LYZL1: variants seen among roughly 807,000 people sequenced by gnomAD.
The protein encoded by LYZL1 is lysozyme-like protein 1.
LYZL1 carries 16 observed loss-of-function variants against 17.9 expected under a neutral mutation model. The observed-to-expected ratio is 0.90, with a 90% CI of 0.61 to 1.36. The LOEUF is 1.36. Among genes scored for constraint, LYZL1 ranks in the 40% most tolerant of loss-of-function variants. The pLI is 0.00. For missense variants in LYZL1, 149 were observed against 188.4 expected (o/e 0.79, Z 1.22); for synonymous variants, 58 against 71.8 (o/e 0.81, Z 0.97).
At chr10:29,312,141 T>C (rs1404817000), downstream of LYZL1, among the ~76,000 whole-genome samples, 3 of 151,956 alleles carry the variant, frequency 2.0e-5, no homozygotes, top group Non-Finnish European at 2.9e-5. Flanking sequence ...CTCTACAGCA[T>C]TTTTTTTGTT....
intron 3 of LYZL1, among the ~76,000 whole-genome samples, chr10:29,304,683 C>T (rs1340206705): frequency 6.6e-6 from 1 of 152,044 alleles, no homozygotes; most frequent in East Asian, 1.9e-4. Context: ...GGCAAGAGTC[C>T]TCATTTAAAA....
intron 4 of LYZL1, among the ~76,000 whole-genome samples, chr10:29,310,466 A>C (rs1289527241): frequency 6.6e-6 from 1 of 152,016 alleles, no homozygotes; most frequent in African/African-American, 2.4e-5. Context: ...TTCTAAAGTG[A>C]CTTGGAAAGG....
chr10:29,291,315 A>C (rs57492116), intron 1 of LYZL1, among the ~76,000 whole-genome samples: 41,209 of 151,146 alleles, frequency 0.27, 5,668 homozygotes, highest in Non-Finnish European at 0.33. Flanking sequence ...TGTTAAGTGG[A>C]AGTGGATCAT....
At chr10:29,305,853 A>G (rs1026769959) in intron 3 of LYZL1, among the ~76,000 whole-genome samples, 1 of 152,244 alleles carries the variant, frequency 6.6e-6, no homozygotes, top group African/African-American at 2.4e-5. Context: ...AGCTGAACTG[A>G]GAAAGCCACA....
At chr10:29,307,337 T>G (rs1409166283) in intron 3 of LYZL1, among the ~76,000 whole-genome samples, 1 of 152,206 alleles carries the variant, frequency 6.6e-6, no homozygotes. Flanking sequence ...TTTGATAGAT[T>G]TTGCATATGA....
At chr10:29,316,488 G>A (rs1312880333) in intron 3 of LYZL1, among the ~76,000 whole-genome samples, 1 of 152,030 alleles carries the variant, frequency 6.6e-6, no homozygotes. Context: ...TTACCACTGG[G>A]GCCTCCTCAC....
chr10:29,318,294 C>A, exon 5 of LYZL1: 1 of 554,128 alleles, frequency 1.8e-6, no homozygotes, highest in South Asian at 8.0e-5. Flanking sequence ...CTTGAGAAAG[C>A]ATTCATGCAA....
Position 29,292,664 on chromosome 10 carries a change from T to A in LYZL1, c.285T>A (p.His95Gln). Reference sequence around the variant, plus strand: ...AGCTGAAGGAGAACAACCACTGCCATGTCGCCTGCTCAGGTGAGGCTCTGA... The same window carrying A: ...AGCTGAAGGAGAACAACCACTGCCAAGTCGCCTGCTCAGGTGAGGCTCTGA... ...RGKLKENNHC[H>Q]VACSALITDD... The change falls in exon 3 of 5, where the codon CAT (histidine) becomes CAA (glutamine). Residue 95 changes from histidine to glutamine, a missense_variant. This residue lies in a region of LYZL1 where 130 missense variants were observed against 132.5 expected (regional missense o/e 0.98). Coordinates refer to ENST00000649382, the MANE Select transcript of LYZL1 (RefSeq NM_032517.6). The A allele has an allele frequency of 6.2e-7, 1 of 1,613,822 alleles. No individual in the cohort carries two copies. Among genetic ancestry groups the A allele is most frequent in the South Asian group, 1.1e-5 (1 of 91,016 alleles).
chr10:29,289,196 G>C lies in LYZL1; in HGVS notation c.-60G>C, dbSNP rs1430328463. 17 of 1,597,336 alleles carry C rather than the reference G, an allele frequency of 1.1e-5. No homozygotes were observed. The highest frequency in any genetic ancestry group is 1.4e-5 in the Non-Finnish European group (16 of 1,171,166). Reference sequence around the variant, plus strand: ...TTCCGCAGACTCAACTGAGAAGTCAGCCTCTGGGGCAGGCACCAGGAATCT... The same window carrying C: ...TTCCGCAGACTCAACTGAGAAGTCACCCTCTGGGGCAGGCACCAGGAATCT... On this transcript the variant is annotated 5_prime_UTR_variant, in exon 1 of 5. Transcript: ENST00000649382.
chr10:29,292,550 C>T lies in LYZL1; in HGVS notation c.171C>T (p.Tyr57=), dbSNP rs200081100. 2 of 1,613,834 alleles carry T rather than the reference C, an allele frequency of 1.2e-6. No individual in the cohort carries two copies. Among genetic ancestry groups the T allele is most frequent in the South Asian group, 2.2e-5 (2 of 91,082 alleles). The change falls in exon 3 of 5, where the codon TAC becomes TAT. Residue 57 remains tyrosine, a synonymous_variant. Coordinates refer to ENST00000649382, the MANE Select transcript of LYZL1 (RefSeq NM_032517.6). ...WICMAYYESG[Y]NTTAQTVLDD... is the part of the protein sequence containing the mutation. ...GCATGGCATATTATGAGAGCGGCTA[C>T]AACACCACAGCCCAGACGGTCCTGG...
intron 3 of LYZL1, 135 bp from the exon 4 acceptor site, chr10:29,309,975 G>GTA: frequency 1.6e-6 from 1 of 609,630 alleles, no homozygotes; most frequent in Non-Finnish European, 2.8e-6. Flanking sequence ...ATAAGATTGT[G>GTA]GCTTTGCAGG....
chr10:29,308,098 C>G (rs969920921), intron 3 of LYZL1, among the ~76,000 whole-genome samples: 1 of 152,148 alleles, frequency 6.6e-6, no homozygotes, highest in Admixed American at 6.5e-5. Flanking sequence ...GTATTTTTGT[C>G]CTTGATTGGT....
At chr10:29,290,055 T>C (rs1331962537) in intron 1 of LYZL1, among the ~76,000 whole-genome samples, 1 of 152,180 alleles carries the variant, frequency 6.6e-6, no homozygotes, top group African/African-American at 2.4e-5. Flanking sequence ...AAAGCCCTGC[T>C]TGTTACTTGG....
intron 1 of LYZL1, 86 bp downstream of exon 1, chr10:29,289,316 C>T (rs12414048): frequency 6.4e-5 from 70 of 1,088,168 alleles, no homozygotes; most frequent in East Asian, 4.8e-4. Flanking sequence ...ATCATTGCTG[C>T]GGGTTTTCTT....
intron 3 of LYZL1, among the ~76,000 whole-genome samples, chr10:29,308,528 GACTTTT>G (rs1835626897): frequency 6.6e-6 from 1 of 152,200 alleles, no homozygotes. Context: ...AGTGATATTG[GACTTTT>G]ACATTTTATT....
At chr10:29,317,568 G>C (rs1025463543) in intron 4 of LYZL1, 1 of 152,250 alleles carries the variant, frequency 6.6e-6, no homozygotes, top group Non-Finnish European at 1.5e-5. Flanking sequence ...TGCAAACAGA[G>C]TGGGGAGTAG....
intron 3 of LYZL1, among the ~76,000 whole-genome samples, chr10:29,296,154 A>C (rs1411460415): frequency 1.3e-5 from 2 of 152,176 alleles, no homozygotes. Flanking sequence ...TGTCCTGCCA[A>C]ATTAATACCA....
Position 29,310,900 on chromosome 10 carries a change from G to A in LYZL1, c.378-90G>A, listed in dbSNP as rs1245933480. The stretch of plus-strand genomic sequence containing the variant: ...AAACCCAACCCAGGGTTCCGCTGGC[G>A]ATTTTGGTTAATTTCTGTAGGCTTT... On this transcript the variant is annotated intron_variant, in intron 4 of 4. Transcript: ENST00000649382. The A allele has an allele frequency of 5.0e-6, 8 of 1,601,572 alleles. No homozygotes were observed. The African/African-American group carries it at 6.7e-5, about 13-fold the overall frequency.
chr10:29,314,836 C>T (rs1445343975), downstream of LYZL1, among the ~76,000 whole-genome samples: 6 of 152,192 alleles, frequency 3.9e-5, no homozygotes, highest in Non-Finnish European at 7.3e-5. Context: ...GGGTAACTAT[C>T]GCCCAGGGGC....
Sources: allele counts gnomAD v4.1 joint callset (sites outside exome capture counted in the v4.1 genomes callset), GRCh38; gene constraint gnomAD v4.1.1; regional missense constraint gnomAD v4.1.1; transcripts MANE v1.5; gene names NCBI Gene and HGNC (gene_info 2026-07-23, HGNC 2026-07-21).